TDP1: variants seen among roughly 807,000 people sequenced by gnomAD.
The protein encoded by TDP1 is tyr-DNA phosphodiesterase 1.
TDP1 carries 64 observed loss-of-function variants against 81.5 expected under a neutral mutation model. That is an observed-to-expected ratio of 0.79 (90% confidence interval 0.64 to 0.97). TDP1 has a LOEUF of 0.97. TDP1 is among the 50% of genes least tolerant of loss of function. TDP1 has a pLI of 0.00. For synonymous variants in TDP1, 256 were observed against 264.3 expected (o/e 0.97, Z 0.30); for missense variants, 723 against 743.8 (o/e 0.97, Z 0.33).
intron 14 of TDP1, among the ~76,000 whole-genome samples, chr14:90,010,572 A>G (rs1884584355): frequency 6.6e-6 from 1 of 151,668 alleles, no homozygotes; most frequent in South Asian, 2.1e-4. Context: ...AAGAGGGACA[A>G]GTCGAGAGAG....
intron 14 of TDP1, among the ~76,000 whole-genome samples, chr14:90,006,556 A>T (rs986494604): frequency 6.6e-6 from 1 of 151,472 alleles, no homozygotes; most frequent in African/African-American, 2.4e-5. Context: ...ATTTTTTTTG[A>T]GACAGAGTCT....
chr14:89,961,699 ATT>A (rs2139925858), intron 2 of TDP1, among the ~76,000 whole-genome samples: 1 of 152,168 alleles, frequency 6.6e-6, no homozygotes, highest in Non-Finnish European at 1.5e-5. Flanking sequence ...CTTAGCCAAG[ATT>A]TTTATTTTTA....
chr14:89,964,607 T>G (rs778335358), intron 3 of TDP1, among the ~76,000 whole-genome samples: 1 of 152,188 alleles, frequency 6.6e-6, no homozygotes, highest in Non-Finnish European at 1.5e-5. Flanking sequence ...TAATTGTATA[T>G]TGTGTGTGAT....
At chr14:89,980,189 C>T (rs1894813056) in intron 7 of TDP1, 1 of 985,448 alleles carries the variant, frequency 1.0e-6, no homozygotes, top group African/African-American at 1.7e-5. Context: ...GTTGACCATA[C>T]TTTGAATCTC....
chr14:89,984,046 A>T, intron 8 of TDP1: 1 of 898,774 alleles, frequency 1.1e-6, no homozygotes, highest in Non-Finnish European at 1.3e-6. Flanking sequence ...TATAGATAAC[A>T]CAATTCTTAT....
At chr14:89,988,780 CACTAGT>C (rs1895852105) in intron 10 of TDP1, 119 bp from the exon 11 acceptor site, 2 of 1,535,490 alleles carry the variant, frequency 1.3e-6, no homozygotes, top group African/African-American at 2.8e-5. Context: ...TGAAATTGAT[CACTAGT>C]ATTTTCAGCT....
chr14:90,039,788 CT>C (rs1350274922), intron 16 of TDP1, among the ~76,000 whole-genome samples: 2 of 152,056 alleles, frequency 1.3e-5, no homozygotes, highest in African/African-American at 4.8e-5. Context: ...TCATTAAGTA[CT>C]TTTGTGTACT....
intron 15 of TDP1, among the ~76,000 whole-genome samples, chr14:90,025,784 C>G (rs944113473): frequency 3.3e-5 from 5 of 152,204 alleles, no homozygotes. Context: ...CCAAAGGCCT[C>G]TGTGAATATA....
chr14:89,958,221 C>G (rs779949954), intron 2 of TDP1: 2 of 152,424 alleles, frequency 1.3e-5, no homozygotes, highest in Non-Finnish European at 1.5e-5. Context: ...CATCTGCAGC[C>G]CAATGAATGG....
chr14:89,985,767 G>T (rs35867378), intron 10 of TDP1, among the ~76,000 whole-genome samples: 71 of 152,124 alleles, frequency 4.7e-4, no homozygotes, highest in Non-Finnish European at 9.6e-4. Context: ...GGTGGCTCAC[G>T]CCTGTAATCC....
chr14:89,996,001 A>G (rs1178993805), intron 14 of TDP1, among the ~76,000 whole-genome samples: 6 of 152,200 alleles, frequency 3.9e-5, no homozygotes, highest in African/African-American at 9.7e-5. Context: ...AGGTGGGCAC[A>G]TGGATGCTTT....
At chr14:89,964,570 T>G (rs1892711339) in intron 3 of TDP1, among the ~76,000 whole-genome samples, 1 of 152,212 alleles carries the variant, frequency 6.6e-6, no homozygotes, top group African/African-American at 2.4e-5. Context: ...GTCAGCAGTG[T>G]TGTTCTTTTT....
At chr14:89,975,581 GTTTT>G (rs35133244) in intron 6 of TDP1, 196 bp from the exon 7 acceptor site, 221 of 268,860 alleles carry the variant, frequency 8.2e-4, no homozygotes, top group Non-Finnish European at 9.9e-4. Flanking sequence ...CAAAATTTGT[GTTTT>G]TTTTTTTTTT....
intron 12 of TDP1, among the ~76,000 whole-genome samples, chr14:89,991,266 TAATTC>T (rs1184533900): frequency 6.6e-6 from 1 of 152,158 alleles, no homozygotes; most frequent in Non-Finnish European, 1.5e-5. Context: ...CATCACCAAG[TAATTC>T]AATTATAATT....
chr14:89,955,214 G>C (rs3759710), upstream of TDP1: 23,956 of 153,984 alleles, frequency 0.16, 2,726 homozygotes, highest in African/African-American at 0.3. Flanking sequence ...ATGTCCTCAA[G>C]ATAATCCCAG....
At chr14:89,987,638 C>T (rs1895714589) in intron 10 of TDP1, among the ~76,000 whole-genome samples, 1 of 152,096 alleles carries the variant, frequency 6.6e-6, no homozygotes. Context: ...TGAAACTCTC[C>T]AGGTGGGAGA....
intron 11 of TDP1, chr14:89,989,339 T>G (rs1895932970): frequency 6.1e-6 from 6 of 985,426 alleles, no homozygotes; most frequent in Non-Finnish European, 7.2e-6. Flanking sequence ...AGACACAGAC[T>G]GGCCTGTGAT....
In TDP1 at chr14:90,043,325, A is replaced by C; in HGVS notation, c.*182A>C. The C allele has an allele frequency of 1.4e-6, 1 of 694,406 alleles. No homozygotes were observed. Among genetic ancestry groups the C allele is most frequent in the Non-Finnish European group, 2.4e-6 (1 of 408,572 alleles). The allele number at this position is 694,406 out of a possible 1,614,324, so 43.0% of individuals were successfully genotyped here. ...TTAATGGACATTAACATTCCTAATA[A>C]AGTATTAGTTTCTTAATTCACTTTT... On this transcript the variant is annotated 3_prime_UTR_variant, in exon 17 of 17. Coordinates refer to ENST00000335725, the MANE Select transcript of TDP1 (RefSeq NM_018319.4).
chr14:89,985,195 T>A lies in TDP1; in HGVS notation c.1116T>A (p.His372Gln). Residue 372 changes from histidine to glutamine, a missense_variant, in exon 10 of 17, where the codon CAT becomes CAA. His to Gln is a conservative substitution (Grantham distance 24). Transcript: ENST00000335725. ...FQGSQKDNWG[H>Q]FRLKKLLKDH... The stretch of plus-strand genomic sequence containing the variant: ...GAAGTCAAAAAGATAATTGGGGACA[T>A]TTTAGACTTAAGAAGGTAACAGAAC... 1 of 1,607,144 alleles carries A rather than the reference T, an allele frequency of 6.2e-7. No homozygotes were observed. The highest frequency in any genetic ancestry group is 8.5e-7 in the Non-Finnish European group (1 of 1,175,550).
Sources: gnomAD v4.1 joint callset for allele counts (sites outside exome capture counted in the v4.1 genomes callset) on GRCh38, gnomAD v4.1.1 for gene constraint, MANE v1.5 for transcripts, NCBI Gene and HGNC (gene_info 2026-07-23, HGNC 2026-07-21) for gene names.